The following SEPTIN7 variants were observed in gnomAD, a reference collection of about 807,000 sequenced individuals.
SEPTIN7 encodes septin-7.
A neutral mutation model predicts 63.3 loss-of-function variants in SEPTIN7; 10 were observed. The observed-to-expected ratio is 0.16, with a 90% CI of 0.10 to 0.27. The LOEUF is 0.27. Ranked by LOEUF, SEPTIN7 falls within the 10% of genes least tolerant of loss-of-function variation. The pLI is 1.00. For missense variants in SEPTIN7, 310 were observed against 521.0 expected (o/e 0.59, Z 3.94); for synonymous variants, 131 against 165.3 (o/e 0.79, Z 1.59).
the SEPTIN7 span, among the ~76,000 whole-genome samples, chr7:35,912,668 G>A: frequency 6.6e-6 from 1 of 152,162 alleles, no homozygotes; most frequent in Non-Finnish European, 1.5e-5. Flanking sequence ...GGACCTTCCT[G>A]GCATCAGAAA....
At chr7:35,885,717 T>A (rs1583624205) in intron 9 of SEPTIN7, 111 bp from the exon 10 acceptor site, 3 of 770,270 alleles carry the variant, frequency 3.9e-6, no homozygotes, top group South Asian at 3.1e-5. Context: ...AAAATTGATC[T>A]GTTTTGCATT....
In SEPTIN7 at chr7:35,905,826, A is replaced by G. The variant is rs573879113; in HGVS notation, c.*1533A>G. On this transcript the variant is annotated 3_prime_UTR_variant, in exon 14 of 14. Coordinates refer to ENST00000350320, the MANE Select transcript of SEPTIN7 (RefSeq NM_001788.6). ...GGAAACTGAAATTTTTTTTAACTGT[A>G]AAGAGGGTAGTGTCATTTCTTTTCT... 15 of 152,332 alleles carry G rather than the reference A, an allele frequency of 9.8e-5. No individual in the cohort carries two copies. Among genetic ancestry groups the G allele is most frequent in the Non-Finnish European group, 1.9e-4 (13 of 68,034 alleles). 9.4% of individuals were successfully genotyped at this position (152,332 alleles called of 1,614,324 possible). A position where few individuals can be genotyped will look rare whatever the true frequency, so the allele number is the denominator to read the frequency against.
intron 12 of SEPTIN7, chr7:35,901,041 T>C (rs924649758): frequency 6.6e-6 from 1 of 152,196 alleles, no homozygotes; most frequent in Admixed American, 6.5e-5. Flanking sequence ...AATACATAAA[T>C]AGGTAAAGAA....
chr7:35,829,128 C>CTTTTTTTTGTTTTTT (rs1783679196), intron 1 of SEPTIN7, among the ~76,000 whole-genome samples: 1 of 61,062 alleles, frequency 1.6e-5, no homozygotes, highest in African/African-American at 7.1e-5. Context: ...CATGGACCTT[C>CTTTTTTTTGTTTTTT]TTTTTTTTTT....
At chr7:35,861,832 A>G (rs1320802844) in intron 3 of SEPTIN7, among the ~76,000 whole-genome samples, 1 of 152,188 alleles carries the variant, frequency 6.6e-6, no homozygotes, top group Non-Finnish European at 1.5e-5. Flanking sequence ...TGAATTGGGA[A>G]TTGGTTTGCT....
At chr7:35,848,661 A>T (rs1422771407) in intron 3 of SEPTIN7, among the ~76,000 whole-genome samples, 1 of 152,156 alleles carries the variant, frequency 6.6e-6, no homozygotes, top group Non-Finnish European at 1.5e-5. Context: ...AACTTACAGA[A>T]ATTTGGTATA....
At chr7:35,888,823 C>CTAA (rs1787446705) in intron 10 of SEPTIN7, 2 of 187,834 alleles carry the variant, frequency 1.1e-5, no homozygotes, top group African/African-American at 4.1e-5. Context: ...GACCCTGTAT[C>CTAA]AAAAAAAAAA....
rs573999853 is a variant in SEPTIN7 at position 35,810,772 on chromosome 7, T to G, written c.61+9502T>G. Among the ~76,000 whole-genome samples the G allele has an allele frequency of 2.0e-3, 274 of 137,888 alleles. 2 individuals are homozygous for G. Among genetic ancestry groups the G allele is most frequent in the African/African-American group, 6.7e-3 (259 of 38,614 alleles). The allele number at this position is 137,888 out of a possible 152,430, so 90.5% of individuals were successfully genotyped here. A position where few individuals can be genotyped will look rare whatever the true frequency, so the allele number is the denominator to read the frequency against. On this transcript the variant is annotated intron_variant, in intron 1 of 13. Transcript: ENST00000350320. Reference sequence around the variant, plus strand: ...ATTCAGATTGTAATGAGTTAATGAGTTTTTTTTTTTTTGAGACAGAGGCTC... The same window carrying G: ...ATTCAGATTGTAATGAGTTAATGAGGTTTTTTTTTTTTGAGACAGAGGCTC...
intron 1 of SEPTIN7, chr7:35,812,189 G>A (rs1256118279): frequency 6.1e-6 from 1 of 163,862 alleles, no homozygotes; most frequent in Non-Finnish European, 1.4e-5. Context: ...AACTTCAGCT[G>A]TGGGCGAAAA....
At position 35,905,783 on chromosome 7, in the gene SEPTIN7, G is replaced by GT. The variant is rs1338407095; in HGVS notation, c.*1491dup. ...ACAGTTTCTGACTCATTCAGATTAGGTATACTCTCAAGTCCCTGGAAACTG... is the reference window on the plus strand; with the variant it reads ...ACAGTTTCTGACTCATTCAGATTAGGTTATACTCTCAAGTCCCTGGAAACTG... On this transcript the variant is annotated 3_prime_UTR_variant, in exon 14 of 14. Coordinates refer to ENST00000350320, the MANE Select transcript of SEPTIN7 (RefSeq NM_001788.6). 1 of 152,142 alleles carries GT rather than the reference G, an allele frequency of 6.6e-6. No individual in the cohort carries two copies. The highest frequency in any genetic ancestry group is 1.5e-5 in the Non-Finnish European group (1 of 68,026). 9.4% of individuals were successfully genotyped at this position (152,142 alleles called of 1,614,324 possible).
intron 3 of SEPTIN7, among the ~76,000 whole-genome samples, chr7:35,838,335 TCCCTCCCTCCCTC>T (rs1784221781): frequency 3.7e-4 from 1 of 2,720 alleles, no homozygotes; most frequent in Non-Finnish European, 6.3e-4. Context: ...CCTCCCTCCC[TCCCTCCCTCCCTC>T]CCTCCCTCCC....
At chr7:35,822,576 G>A (rs756341060) in intron 1 of SEPTIN7, among the ~76,000 whole-genome samples, 12 of 152,126 alleles carry the variant, frequency 7.9e-5, no homozygotes, top group Non-Finnish European at 1.2e-4. Flanking sequence ...AATACGAGAG[G>A]CTGGAGATAC....
chr7:35,882,285 T>C (rs1398471908), intron 7 of SEPTIN7, among the ~76,000 whole-genome samples, 199 bp from the exon 8 acceptor site: 1 of 149,668 alleles, frequency 6.7e-6, no homozygotes, highest in Non-Finnish European at 1.5e-5. Context: ...TTGGTGTTTA[T>C]ATATCAACTT....
chr7:35,887,496 A>G (rs1315329199), intron 10 of SEPTIN7, among the ~76,000 whole-genome samples: 1 of 152,146 alleles, frequency 6.6e-6, no homozygotes, highest in Non-Finnish European at 1.5e-5. Context: ...ATAGGCATGC[A>G]CCACTACACC....
chr7:35,881,371 G>T (rs1428283829), intron 7 of SEPTIN7, among the ~76,000 whole-genome samples: 1 of 151,558 alleles, frequency 6.6e-6, no homozygotes, highest in Non-Finnish European at 1.5e-5. Flanking sequence ...CTTTCAAATT[G>T]GTCACATCCT....
intron 1 of SEPTIN7, among the ~76,000 whole-genome samples, chr7:35,816,878 A>G (rs749377243): frequency 1.3e-5 from 2 of 152,122 alleles, no homozygotes; most frequent in Admixed American, 6.5e-5. Context: ...AGGAATGTCT[A>G]TTAAAATGCT....
At chr7:35,907,297 G>A (rs180749646), downstream of SEPTIN7, among the ~76,000 whole-genome samples, 18 of 152,274 alleles carry the variant, frequency 1.2e-4, no homozygotes, top group African/African-American at 4.3e-4. Context: ...GCTTGCAAAT[G>A]TAAGCCCTTG....
chr7:35,815,485 A>G (rs1041557751), intron 1 of SEPTIN7, among the ~76,000 whole-genome samples: 3 of 152,252 alleles, frequency 2.0e-5, no homozygotes, highest in African/African-American at 2.4e-5. Context: ...TTTTCCTTGT[A>G]ACTCTTTTCT....
intron 1 of SEPTIN7, among the ~76,000 whole-genome samples, chr7:35,806,832 T>G (rs1245996480): frequency 7.2e-5 from 11 of 152,356 alleles, no homozygotes; most frequent in South Asian, 6.2e-4. Flanking sequence ...CTTTATTATA[T>G]AAGATTTCAA....
Sources: gnomAD v4.1 joint callset for allele counts (sites outside exome capture counted in the v4.1 genomes callset) on GRCh38, gnomAD v4.1.1 for gene constraint, MANE v1.5 for transcripts, NCBI Gene and HGNC (gene_info 2026-07-23, HGNC 2026-07-21) for gene names.